Variants in CFAP54 observed in about 807,000 individuals in gnomAD.
CFAP54 encodes cilia and flagella associated protein 54, also known as cilia- and flagella-associated protein 54.
CFAP54 carries 290 observed loss-of-function variants against 370.4 expected under a neutral mutation model. That is an observed-to-expected ratio of 0.78 (90% CI 0.71 to 0.86). The LOEUF (loss-of-function observed/expected upper bound fraction) is 0.86. Ranked by LOEUF, CFAP54 falls within the 40% of genes least tolerant of loss-of-function variation. The probability of loss-of-function intolerance (pLI) is 0.00; values close to 1 mark genes in which losing one functional copy is unlikely to be tolerated. For missense variants in CFAP54, 3,399 were observed against 3,528.7 expected (o/e 0.96, Z 0.93); for synonymous variants, 1,206 against 1,236.5 (o/e 0.98, Z 0.52).
At chr12:96,628,730 T>C (rs1170629458) in intron 30 of CFAP54, among the ~76,000 whole-genome samples, 3 of 152,118 alleles carry the variant, frequency 2.0e-5, no homozygotes, top group Non-Finnish European at 4.4e-5. Flanking sequence ...AGGATTATCT[T>C]CATCAAAACT....
Position 96,648,840 on chromosome 12 carries a change from T to C in CFAP54, c.4690+823T>C, listed in dbSNP as rs747727327. Among the ~76,000 whole-genome samples, 6 of 152,014 alleles carry C rather than the reference T, an allele frequency of 3.9e-5. No individual in the cohort carries two copies. In the South Asian group the frequency reaches 1.2e-3, roughly 31 times the overall value. ...CCTGACCTTGTGATCCACCTGCCTC[T>C]GCCTCCCAAAGTGTTGGAATTACAG... On this transcript the variant is annotated intron_variant, in intron 34 of 67. Transcript: ENST00000524981.
chr12:96,576,722 T>G lies in CFAP54; in HGVS notation c.2757T>G (p.Ser919=). Residue 919 remains serine, a synonymous_variant, in exon 20 of 68, where the codon TCT becomes TCG. Coordinates refer to ENST00000524981, the MANE Select transcript of CFAP54 (RefSeq NM_001306084.2). ...PPILLSRTHC[S]VTLKPAPFTS... is the part of the protein sequence containing the mutation. ...TCCTGCTGTCTCGAACTCATTGTTC[T>G]GTGACACTCAAACCTGCTCCATTTA... 6.5e-7 allele frequency: 1 copy of G among 1,535,914 alleles called. No individual in the cohort carries two copies. The highest frequency in any genetic ancestry group is 8.7e-7 in the Non-Finnish European group (1 of 1,146,698).
intron 62 of CFAP54, among the ~76,000 whole-genome samples, chr12:96,788,097 G>A (rs1958647063): frequency 6.6e-6 from 1 of 152,062 alleles, no homozygotes; most frequent in South Asian, 2.1e-4. Flanking sequence ...TATGACACAA[G>A]AATGGAAAGG....
intron 48 of CFAP54, among the ~76,000 whole-genome samples, chr12:96,711,902 G>A (rs1344548599): frequency 1.3e-5 from 2 of 152,088 alleles, no homozygotes; most frequent in Admixed American, 1.3e-4. Context: ...TAGACATTTA[G>A]ACTGTTTTCT....
At chr12:96,860,976 G>A (rs181111787) in intron 67 of CFAP54, 24 bp downstream of exon 67, 571 of 1,442,600 alleles carry the variant, frequency 4.0e-4, no homozygotes, top group Non-Finnish European at 4.3e-4. Context: ...GGATTTAATT[G>A]TTGTTGTTTC....
At chr12:96,590,733 AACTG>A (rs1956116048) in intron 23 of CFAP54, among the ~76,000 whole-genome samples, 1 of 152,228 alleles carries the variant, frequency 6.6e-6, no homozygotes, top group African/African-American at 2.4e-5. Context: ...TTCTGGTGTT[AACTG>A]ACTGAGAAGT....
At chr12:96,638,239 G>GTA (rs1215391559) in intron 32 of CFAP54, among the ~76,000 whole-genome samples, 1 of 84,596 alleles carries the variant, frequency 1.2e-5, no homozygotes, top group African/African-American at 4.1e-5. Context: ...GTGTGTGTGT[G>GTA]TGTATATATA....
intron 60 of CFAP54, among the ~76,000 whole-genome samples, chr12:96,777,017 AC>A (rs1183212851): frequency 6.6e-6 from 1 of 152,102 alleles, no homozygotes; most frequent in Non-Finnish European, 1.5e-5. Context: ...TTGGCAGCAC[AC>A]CCGTCAGTTG....
intron 60 of CFAP54, among the ~76,000 whole-genome samples, 184 bp from the exon 61 acceptor site, chr12:96,784,533 C>T (rs1262836029): frequency 1.3e-5 from 2 of 152,012 alleles, no homozygotes; most frequent in Non-Finnish European, 2.9e-5. Flanking sequence ...TATCTTTTCT[C>T]AGTCTGTGGT....
At chr12:96,849,737 C>G (rs1038121191) in intron 66 of CFAP54, among the ~76,000 whole-genome samples, 1 of 152,084 alleles carries the variant, frequency 6.6e-6, no homozygotes, top group African/African-American at 2.4e-5. Flanking sequence ...TTAATGAACC[C>G]CCTGCAGTAT....
intron 50 of CFAP54, among the ~76,000 whole-genome samples, chr12:96,724,245 C>G (rs9738298): frequency 1.3e-5 from 2 of 150,550 alleles, no homozygotes; most frequent in Middle Eastern, 3.4e-3. Flanking sequence ...CCTGAGGAAT[C>G]GCCACACTGA....
At chr12:96,503,062 C>G (rs1955048481) in intron 2 of CFAP54, among the ~76,000 whole-genome samples, 1 of 115,988 alleles carries the variant, frequency 8.6e-6, no homozygotes, top group Non-Finnish European at 1.8e-5. Context: ...CTTCCTTTCT[C>G]TCTCTCTCTT....
intron 65 of CFAP54, 59 bp from the exon 66 acceptor site, chr12:96,828,955 G>T: frequency 2.5e-6 from 2 of 810,538 alleles, no homozygotes; most frequent in Non-Finnish European, 3.9e-6. Flanking sequence ...AATTAAATAG[G>T]TAATATTTAG....
At chr12:96,828,190 A>T (rs1204772143) in intron 65 of CFAP54, among the ~76,000 whole-genome samples, 2 of 150,112 alleles carry the variant, frequency 1.3e-5, no homozygotes, top group African/African-American at 4.9e-5. Flanking sequence ...TGACTTCTTC[A>T]GTTGTAAGTG....
intron 14 of CFAP54, among the ~76,000 whole-genome samples, chr12:96,542,658 G>A (rs1348686856): frequency 6.6e-6 from 1 of 152,112 alleles, no homozygotes; most frequent in Non-Finnish European, 1.5e-5. Flanking sequence ...CCCACCATGT[G>A]TATGTGTGTA....
At chr12:96,526,896 T>TTG (rs1228283008) in intron 8 of CFAP54, among the ~76,000 whole-genome samples, 2 of 144,524 alleles carry the variant, frequency 1.4e-5, no homozygotes, top group African/African-American at 5.2e-5. Context: ...TTTTTTTTTT[T>TTG]TTTTTTTTTT....
intron 6 of CFAP54, among the ~76,000 whole-genome samples, chr12:96,519,729 A>G (rs1280725143): frequency 6.6e-6 from 1 of 152,238 alleles, no homozygotes; most frequent in African/African-American, 2.4e-5. Flanking sequence ...GCACTGTGGA[A>G]TGATTAAGCT....
rs574486944 is a variant in CFAP54 at position 96,520,760 on chromosome 12, T to A, written c.943-1097T>A. Among the ~76,000 whole-genome samples, 4 of 152,326 alleles carry A rather than the reference T, an allele frequency of 2.6e-5. No individual in the cohort carries two copies. In the South Asian group the frequency reaches 8.3e-4, roughly 32 times the overall value. On this transcript the variant is annotated intron_variant, in intron 6 of 67. Coordinates refer to ENST00000524981, the MANE Select transcript of CFAP54 (RefSeq NM_001306084.2). ...AGCTGGATTTCTGCTCTAGTCAACC[T>A]CTTTGGCTGGAAGTCTTGTGTAGGA...
chr12:96,497,104 T>C (rs1395632460), intron 1 of CFAP54, among the ~76,000 whole-genome samples: 4 of 152,246 alleles, frequency 2.6e-5, no homozygotes, highest in Non-Finnish European at 5.9e-5. Flanking sequence ...TATTCACTAC[T>C]GTTGGGGCTG....
Sources: allele counts gnomAD v4.1 joint callset (sites outside exome capture counted in the v4.1 genomes callset), GRCh38; gene constraint gnomAD v4.1.1; transcripts MANE v1.5; gene names NCBI Gene and HGNC (gene_info 2026-07-23, HGNC 2026-07-21).